GAREM1: variants seen among roughly 807,000 people sequenced by gnomAD.
The protein encoded by GAREM1 is GRB2 associated regulator of MAPK1 subtype 1, also known as GRB2-associated and regulator of MAPK protein 1.
Under a neutral mutation model 71.3 loss-of-function variants are expected in GAREM1, and 26 were observed. That is an observed-to-expected ratio of 0.36 (90% CI 0.27 to 0.51). GAREM1 has a LOEUF of 0.51. Ranked by LOEUF, GAREM1 falls within the 20% of genes least tolerant of loss-of-function variation. The pLI, the probability that GAREM1 is intolerant of heterozygous loss-of-function variation, is 0.95. For synonymous variants in GAREM1, 440 were observed against 433.2 expected, an observed-to-expected ratio of 1.02 and a Z score of -0.20; for missense variants, 1,026 against 1,103.1, an observed-to-expected ratio of 0.93 and a Z score of 0.99.
At chr18:32,415,360 GGTCA>G (rs1251139148) in intron 1 of GAREM1, among the ~76,000 whole-genome samples, 2 of 151,990 alleles carry the variant, frequency 1.3e-5, no homozygotes, top group Admixed American at 6.6e-5. Flanking sequence ...CATTCTACAA[GGTCA>G]GTGTTACCCT....
intron 1 of GAREM1, among the ~76,000 whole-genome samples, chr18:32,469,983 C>A (rs1330840768): frequency 6.6e-6 from 1 of 152,120 alleles, no homozygotes; most frequent in East Asian, 1.9e-4. Flanking sequence ...TCAGGGTTTC[C>A]CTGGTTGAGT....
At chr18:32,457,644 C>T (rs1351906875) in intron 1 of GAREM1, among the ~76,000 whole-genome samples, 1 of 152,028 alleles carries the variant, frequency 6.6e-6, no homozygotes, top group Non-Finnish European at 1.5e-5. Flanking sequence ...AAAAGATTCT[C>T]TTAAAGCTAT....
At chr18:32,393,071 T>G in intron 1 of GAREM1, 36 bp from the exon 2 acceptor site, 1 of 1,594,062 alleles carries the variant, frequency 6.3e-7, no homozygotes, top group Non-Finnish European at 8.6e-7. Flanking sequence ...AACTTAGAAT[T>G]CATAATCTGC....
intron 1 of GAREM1, among the ~76,000 whole-genome samples, chr18:32,424,832 G>A (rs1055691066): frequency 3.3e-5 from 5 of 152,232 alleles, no homozygotes; most frequent in Middle Eastern, 3.4e-3. Flanking sequence ...TCAGCATGTT[G>A]TCAAATAGTA....
chr18:32,407,871 T>C (rs192928495), intron 1 of GAREM1, among the ~76,000 whole-genome samples: 3 of 152,132 alleles, frequency 2.0e-5, no homozygotes, highest in South Asian at 2.1e-4. Context: ...CAAGCTGAAA[T>C]TGACGCACAG....
At chr18:32,271,617 T>A (rs1308825269) in intron 4 of GAREM1, among the ~76,000 whole-genome samples, 5 of 152,204 alleles carry the variant, frequency 3.3e-5, no homozygotes, top group African/African-American at 1.2e-4. Context: ...ATACTGATGC[T>A]ACCTGACCAT....
At chr18:32,372,925 C>T (rs953387717) in intron 2 of GAREM1, among the ~76,000 whole-genome samples, 3 of 152,144 alleles carry the variant, frequency 2.0e-5, no homozygotes, top group Non-Finnish European at 4.4e-5. Flanking sequence ...TCCCAGGCAG[C>T]TTCATCTCGA....
chr18:32,320,121 C>T (rs764197976), intron 2 of GAREM1, among the ~76,000 whole-genome samples: 18 of 152,144 alleles, frequency 1.2e-4, no homozygotes, highest in Admixed American at 5.2e-4. Context: ...ATTCTTACAA[C>T]GATGCGTTTC....
intron 3 of GAREM1, among the ~76,000 whole-genome samples, chr18:32,303,090 G>A (rs549907902): frequency 3.3e-5 from 5 of 152,294 alleles, no homozygotes; most frequent in African/African-American, 9.6e-5. Flanking sequence ...TCACATTCCC[G>A]AGTGGGTAAC....
intron 4 of GAREM1, among the ~76,000 whole-genome samples, chr18:32,274,131 C>T (rs969951902): frequency 3.9e-5 from 6 of 152,104 alleles, no homozygotes; most frequent in South Asian, 2.1e-4. Flanking sequence ...CATGGGTGGC[C>T]GCTCCGATGA....
At chr18:32,322,012 G>A (rs1401719796) in intron 2 of GAREM1, among the ~76,000 whole-genome samples, 1 of 152,142 alleles carries the variant, frequency 6.6e-6, no homozygotes, top group Non-Finnish European at 1.5e-5. Flanking sequence ...CACCACCACT[G>A]GCCTCAAGGG....
chr18:32,459,689 A>G (rs551772575), intron 1 of GAREM1, among the ~76,000 whole-genome samples: 1 of 152,314 alleles, frequency 6.6e-6, no homozygotes, highest in Admixed American at 6.5e-5. Flanking sequence ...GCATTATTTT[A>G]AAAACCTGAA....
chr18:32,326,893 CA>C (rs557976456), intron 2 of GAREM1, among the ~76,000 whole-genome samples: 18 of 152,334 alleles, frequency 1.2e-4, no homozygotes, highest in Admixed American at 2.0e-4. Context: ...TTCCATCCAA[CA>C]GGGGCAGTTA....
rs187664062 is a variant in GAREM1, at chr18:32,266,653, G to A, written c.*1218C>T. 1.2e-4 allele frequency: 19 copies of A among 152,260 alleles called. 1 individual carries two copies. Among genetic ancestry groups the A allele is most frequent in the Admixed American group, 1.2e-3 (18 of 15,298 alleles). 9.4% of individuals were successfully genotyped at this position (152,260 alleles called of 1,614,324 possible). A position where few individuals can be genotyped will look rare whatever the true frequency, so the allele number is the denominator to read the frequency against. On this transcript the variant is annotated 3_prime_UTR_variant, in exon 6 of 6. Coordinates refer to ENST00000269209, the MANE Select transcript of GAREM1 (RefSeq NM_001242409.2). ...AAGAAGTGGTTTATGAAATAAACAA[G>A]TCCTCTTATTGGTATTTTAAAAATA...
In GAREM1 at chr18:32,268,672, G is replaced by A; in HGVS notation, c.1830C>T (p.Ser610=). ...CTTCAGCAGAAGGACTTCCAAACGG[G>A]GATTTCAGGTCCACAGAATCAGTTT... ...RVKTDSVDLK[S]PFGSPSAEAV... Residue 610 remains serine (S), a synonymous_variant, in exon 6 of 6, where the codon TCC becomes TCT. Transcript: ENST00000269209. The A allele has an allele frequency of 6.2e-7, 1 of 1,614,102 alleles. No individual in the cohort carries two copies. Among genetic ancestry groups the A allele is most frequent in the South Asian group, 1.1e-5 (1 of 91,080 alleles).
rs2047043959 is a variant in GAREM1 at position 32,287,953 on chromosome 18, C to T, written c.644G>A (p.Cys215Tyr). Residue 215 changes from cysteine (C) to tyrosine (Y), a missense_variant, in exon 4 of 6, where the codon TGC (cysteine) becomes TAC (tyrosine). Cys to Tyr is a radical substitution (Grantham distance 194, BLOSUM62 -2). This residue lies in a region of GAREM1 where 218 missense variants were observed against 296.8 expected (regional missense o/e 0.73). Coordinates refer to ENST00000269209, the MANE Select transcript of GAREM1 (RefSeq NM_001242409.2). This position sits in a 1 kb window ranked among gnomAD's most constrained non-coding sequence, Gnocchi z 5.9. ...TNESISLPFQ[C>Y]KGRFSTRSPL... is the part of the protein sequence containing the mutation. Reference sequence around the variant, plus strand: ...ACTTCGGGTGCTAAATCTGCCCTTGCACTGGAATGGAAGGCTAATGCTTTC... The same window carrying T: ...ACTTCGGGTGCTAAATCTGCCCTTGTACTGGAATGGAAGGCTAATGCTTTC... 2 of 1,613,902 alleles carry T rather than the reference C, an allele frequency of 1.2e-6. No homozygotes were observed. Among genetic ancestry groups the T allele is most frequent in the Non-Finnish European group, 1.7e-6 (2 of 1,180,034 alleles).
At chr18:32,464,841 T>C (rs1378159780) in intron 1 of GAREM1, among the ~76,000 whole-genome samples, 4 of 121,646 alleles carry the variant, frequency 3.3e-5, no homozygotes, top group Non-Finnish European at 7.1e-5. Flanking sequence ...AAGTAGAATG[T>C]AAGCACCACA....
intron 2 of GAREM1, among the ~76,000 whole-genome samples, chr18:32,366,004 AT>A (rs1425745307): frequency 6.6e-6 from 1 of 152,162 alleles, no homozygotes; most frequent in African/African-American, 2.4e-5. Context: ...ATTCCTGTTT[AT>A]CAGTTCAGTT....
At chr18:32,413,995 G>C (rs2048444221) in intron 1 of GAREM1, among the ~76,000 whole-genome samples, 1 of 152,068 alleles carries the variant, frequency 6.6e-6, no homozygotes, top group African/African-American at 2.4e-5. Flanking sequence ...CTGAGACATG[G>C]AATATTTATC....
Sources: gnomAD v4.1 joint callset for allele counts (sites outside exome capture counted in the v4.1 genomes callset) on GRCh38, gnomAD v4.1.1 for gene constraint, gnomAD v4.1.1 regional missense constraint, Gnocchi (gnomAD v3.1) non-coding constraint, MANE v1.5 for transcripts, NCBI Gene and HGNC (gene_info 2026-07-23, HGNC 2026-07-21) for gene names.